The following USP24 variants were observed in gnomAD, a reference collection of about 807,000 sequenced individuals.
USP24 encodes the protein ubiquitin carboxyl-terminal hydrolase 24.
Under a neutral mutation model 361.6 loss-of-function variants are expected in USP24, and 97 were observed. The observed-to-expected ratio is 0.27, with a 90% CI of 0.23 to 0.32. The LOEUF is 0.32. USP24 is among the 10% of genes least tolerant of loss of function. The pLI is 1.00. For synonymous variants in USP24, 1,098 were observed against 1,124.6 expected, an observed-to-expected ratio of 0.98 and a Z score of 0.47; for missense variants, 2,353 against 3,165.6, an observed-to-expected ratio of 0.74 and a Z score of 6.16.
intron 20 of USP24, among the ~76,000 whole-genome samples, chr1:55,144,827 G>A (rs1197923684): frequency 6.6e-6 from 1 of 152,182 alleles, no homozygotes; most frequent in Admixed American, 6.5e-5. Context: ...CCAGCTACTC[G>A]GGAAGCTGAG....
At chr1:55,169,237 T>C (rs1451423963) in intron 5 of USP24, among the ~76,000 whole-genome samples, 6 of 152,088 alleles carry the variant, frequency 3.9e-5, no homozygotes, top group Non-Finnish European at 8.8e-5. Context: ...AATCCGTGAA[T>C]TGTACTACTA....
Position 55,066,870 on chromosome 1 carries a change from A to AAAT in USP24, c.*2172_*2174dup, listed in dbSNP as rs903897300. Reference sequence around the variant, plus strand: ...TCTTCATCCAAAAAATTGGCAGTAAAAATGACAACTCTTCCAAGGTAAGCC... The same window carrying AAAT: ...TCTTCATCCAAAAAATTGGCAGTAAAAATAATGACAACTCTTCCAAGGTAAGCC... On this transcript the variant is annotated 3_prime_UTR_variant, in exon 68 of 68. Transcript: ENST00000294383. 9 of 152,200 alleles carry AAAT rather than the reference A, an allele frequency of 5.9e-5. No homozygotes were observed. The highest frequency in any genetic ancestry group is 1.2e-4 in the Non-Finnish European group (8 of 68,034). The allele number at this position is 152,200 out of a possible 1,614,324, so 9.4% of individuals were successfully genotyped here.
chr1:55,161,447 T>C (rs1219402192), intron 8 of USP24, among the ~76,000 whole-genome samples: 1 of 151,578 alleles, frequency 6.6e-6, no homozygotes, highest in African/African-American at 2.4e-5. Flanking sequence ...AAATCCTATC[T>C]CCCTTATTAA....
At chr1:55,214,726 T>C in intron 1 of USP24, 64 bp downstream of exon 1, 1 of 1,123,226 alleles carries the variant, frequency 8.9e-7, no homozygotes, top group Non-Finnish European at 1.1e-6. Context: ...CAGCGGGGTG[T>C]GTCCCCTCCC....
chr1:55,069,193 C>T (rs1182573386), intron 67 of USP24, 86 bp from the exon 68 acceptor site: 1 of 1,321,698 alleles, frequency 7.6e-7, no homozygotes, highest in African/African-American at 1.4e-5. Flanking sequence ...TTAAACATGT[C>T]TTCATCTGGC....
At chr1:55,150,129 A>G (rs1292314874) in intron 16 of USP24, among the ~76,000 whole-genome samples, 1 of 152,210 alleles carries the variant, frequency 6.6e-6, no homozygotes, top group African/African-American at 2.4e-5. Context: ...GTTTTACAAA[A>G]GAGAACAAGC....
chr1:55,184,770 G>C (rs937659598), intron 1 of USP24, among the ~76,000 whole-genome samples: 4 of 152,040 alleles, frequency 2.6e-5, no homozygotes, highest in African/African-American at 9.7e-5. Context: ...TCAACAGAAG[G>C]AAATATGGAA....
rs547295656 is a variant in USP24 at position 55,143,588 on chromosome 1, G to A, written c.2440-469C>T. Among the ~76,000 whole-genome samples, 5 of 151,808 alleles carry A rather than the reference G, an allele frequency of 3.3e-5. No individual in the cohort carries two copies. In the South Asian group the frequency reaches 1.0e-3, roughly 32 times the overall value. ...TGTAAAAATTCTAACCACCCAGGAA[G>A]CCATGTCCTGAATAAAAAGGACTTG... On this transcript the variant is annotated intron_variant, in intron 21 of 67. Coordinates refer to ENST00000294383, the MANE Select transcript of USP24 (RefSeq NM_015306.3).
chr1:55,157,055 A>G lies in USP24; in HGVS notation c.1343-4T>C, dbSNP rs771763987. On this transcript the variant is annotated splice_region_variant and splice_polypyrimidine_tract_variant and intron_variant, in intron 11 of 67. Coordinates refer to ENST00000294383, the MANE Select transcript of USP24 (RefSeq NM_015306.3). ...TATTGTGCTTGGTCTATGTTGCCTA[A>G]TTGAAGAAACATGAGAGAGAAAGTC... 1.9e-6 allele frequency: 3 copies of G among 1,609,078 alleles called. No homozygotes were observed. In the South Asian group the frequency reaches 3.3e-5, roughly 18 times the overall value.
intron 67 of USP24, among the ~76,000 whole-genome samples, chr1:55,069,347 C>T (rs1034289952): frequency 6.6e-6 from 1 of 152,226 alleles, no homozygotes; most frequent in Non-Finnish European, 1.5e-5. Context: ...TCTAAAGTCA[C>T]AATGCTACTC....
chr1:55,198,506 A>G (rs1158060338), intron 1 of USP24, among the ~76,000 whole-genome samples: 1 of 152,210 alleles, frequency 6.6e-6, no homozygotes, highest in Non-Finnish European at 1.5e-5. Context: ...CCTTGTTTCT[A>G]CTGACAATTT....
chr1:55,184,000 A>G (rs886927212), intron 1 of USP24, among the ~76,000 whole-genome samples: 4 of 152,152 alleles, frequency 2.6e-5, no homozygotes, highest in Admixed American at 6.5e-5. Flanking sequence ...TTGGGGGGGA[A>G]AAAAGGACAC....
At chr1:55,172,945 C>T (rs1265997075) in intron 3 of USP24, among the ~76,000 whole-genome samples, 1 of 152,130 alleles carries the variant, frequency 6.6e-6, no homozygotes, top group Non-Finnish European at 1.5e-5. Context: ...TTACCTACTT[C>T]ATACAAATGT....
chr1:55,083,550 T>C (rs1645193034), intron 57 of USP24, among the ~76,000 whole-genome samples, 186 bp from the exon 58 acceptor site: 1 of 152,156 alleles, frequency 6.6e-6, no homozygotes, highest in Admixed American at 6.5e-5. Context: ...TCACAATAAC[T>C]ACTAAACAAT....
chr1:55,080,667 T>C (rs1454941438), intron 59 of USP24, among the ~76,000 whole-genome samples: 1 of 152,224 alleles, frequency 6.6e-6, no homozygotes, highest in Non-Finnish European at 1.5e-5. Context: ...CTATGGTTGT[T>C]GTCACTATCA....
At chr1:55,107,117 G>C in intron 40 of USP24, 122 bp downstream of exon 40, 1 of 1,181,864 alleles carries the variant, frequency 8.5e-7, no homozygotes, top group Non-Finnish European at 1.2e-6. Context: ...ATTTCCTACT[G>C]TGTGAAGGGT....
rs114678584 is a variant in USP24 at position 55,102,246 on chromosome 1, G to C, written c.5026-543C>G. 3.9e-4 allele frequency among the ~76,000 whole-genome samples: 59 copies of C among 152,224 alleles called. 1 individual carries two copies. The highest frequency in any genetic ancestry group is 1.3e-3 in the African/African-American group (56 of 41,548). ...TCATATTGTAATTCCTTTTAGAGAA[G>C]GTAACATTCTTCTATTAAACTTCTT... On this transcript the variant is annotated intron_variant, in intron 42 of 67. Coordinates refer to ENST00000294383, the MANE Select transcript of USP24 (RefSeq NM_015306.3).
At chr1:55,069,246 C>A in intron 67 of USP24, 139 bp from the exon 68 acceptor site, 2 of 735,734 alleles carry the variant, frequency 2.7e-6, no homozygotes, top group South Asian at 3.5e-5. Context: ...AATGTGATAA[C>A]TATTACATCT....
intron 32 of USP24, among the ~76,000 whole-genome samples, chr1:55,128,250 G>A (rs1407386358): frequency 6.6e-6 from 1 of 151,962 alleles, no homozygotes; most frequent in African/African-American, 2.4e-5. Flanking sequence ...TCTCCTCTCT[G>A]GATACTGTCA....
Sources: allele counts gnomAD v4.1 joint callset (sites outside exome capture counted in the v4.1 genomes callset), GRCh38; gene constraint gnomAD v4.1.1; transcripts MANE v1.5; gene names NCBI Gene and HGNC (gene_info 2026-07-23, HGNC 2026-07-21).